The following CLMN variants were observed in gnomAD, a reference collection of about 807,000 sequenced individuals.
CLMN encodes calmin (calponin-like, transmembrane).
In CLMN, 57 loss-of-function variants were observed where a neutral mutation model predicts 92.7. That is an observed-to-expected ratio of 0.61 (90% CI 0.50 to 0.77). The LOEUF (loss-of-function observed/expected upper bound fraction) is 0.77. CLMN is among the 30% of genes least tolerant of loss of function. The pLI is 0.00. For missense variants in CLMN, 1,158 were observed against 1,237.5 expected, an observed-to-expected ratio of 0.94 and a Z score of 0.96; for synonymous variants, 466 against 470.6, an observed-to-expected ratio of 0.99 and a Z score of 0.13.
chr14:95,294,123 C>T lies in CLMN; in HGVS notation c.82+25588G>A, dbSNP rs1046940592. Among the ~76,000 whole-genome samples the T allele has an allele frequency of 2.0e-5, 3 of 152,196 alleles. No homozygotes were observed. Among genetic ancestry groups the T allele is most frequent in the Non-Finnish European group, 4.4e-5 (3 of 68,040 alleles). On this transcript the variant is annotated intron_variant, in intron 1 of 12. Transcript: ENST00000298912. This position sits in a 1 kb window ranked among gnomAD's most constrained non-coding sequence, Gnocchi z 4.2. ...CTCACCCTAAACAGCCAGGAGAGTGCGTGCAGTCAGCCTGCCTGCCAAAGA... is the reference window on the plus strand; with the variant it reads ...CTCACCCTAAACAGCCAGGAGAGTGTGTGCAGTCAGCCTGCCTGCCAAAGA...
Position 95,299,366 on chromosome 14 carries a change from G to A in CLMN, c.82+20345C>T, listed in dbSNP as rs533387356. On this transcript the variant is annotated intron_variant, in intron 1 of 12. Coordinates refer to ENST00000298912, the MANE Select transcript of CLMN (RefSeq NM_024734.4). The stretch of plus-strand genomic sequence containing the variant: ...ACTGAATGGGAGACACTGTGAAGGA[G>A]CAAGAACACTGTCCAAGAGCCAGGT... 5.3e-5 allele frequency among the ~76,000 whole-genome samples: 8 copies of A among 152,326 alleles called. No individual in the cohort carries two copies. In the East Asian group the frequency reaches 1.5e-3, roughly 29 times the overall value.
intron 1 of CLMN, among the ~76,000 whole-genome samples, chr14:95,258,881 GGTGT>G (rs910333748): frequency 2.0e-5 from 3 of 149,768 alleles, no homozygotes; most frequent in Admixed American, 6.7e-5. Context: ...ATGTATCTGT[GGTGT>G]GTGTGTGGAG....
chr14:95,276,977 C>T (rs1899956708), intron 1 of CLMN, among the ~76,000 whole-genome samples: 1 of 151,780 alleles, frequency 6.6e-6, no homozygotes, highest in East Asian at 1.9e-4. Context: ...GGCTTGGCCC[C>T]CCCATAGCTA....
chr14:95,245,984 C>T (rs1898556905), intron 1 of CLMN, among the ~76,000 whole-genome samples: 1 of 152,108 alleles, frequency 6.6e-6, no homozygotes. Context: ...CCTCCAAACG[C>T]ACCATGCCCA....
At position 95,196,500 on chromosome 14, in the gene CLMN, G is replaced by C. The variant is rs1435265431; in HGVS notation, c.2706C>G (p.Ser902=). Residue 902 remains serine (S), a splice_region_variant and synonymous_variant, in exon 10 of 13, where the codon TCC becomes TCG. Coordinates refer to ENST00000298912, the MANE Select transcript of CLMN (RefSeq NM_024734.4). ...EEDSSDYSIP[S]RTSHSDSSIY... ...GTGAAAAGAGATGAATAAAATACCTGGAAGGAATGCTGTAGTCGCTACTGT... is the reference window on the plus strand; with the variant it reads ...GTGAAAAGAGATGAATAAAATACCTCGAAGGAATGCTGTAGTCGCTACTGT... 1.2e-6 allele frequency: 2 copies of C among 1,606,932 alleles called. No homozygotes were observed. Among genetic ancestry groups the C allele is most frequent in the Admixed American group, 3.4e-5 (2 of 58,164 alleles).
chr14:95,273,882 C>T (rs1366016128), intron 1 of CLMN, among the ~76,000 whole-genome samples: 1 of 152,156 alleles, frequency 6.6e-6, no homozygotes, highest in Non-Finnish European at 1.5e-5. Flanking sequence ...CGTACATGAA[C>T]CTCATGAACC....
chr14:95,266,624 T>C (rs1899485087), intron 1 of CLMN, among the ~76,000 whole-genome samples: 5 of 152,196 alleles, frequency 3.3e-5, no homozygotes, highest in African/African-American at 7.2e-5. Flanking sequence ...TCACCCAAAG[T>C]GATTTACAGA....
intron 1 of CLMN, among the ~76,000 whole-genome samples, chr14:95,313,557 G>C (rs927330766): frequency 6.6e-6 from 1 of 151,626 alleles, no homozygotes; most frequent in South Asian, 2.1e-4. Flanking sequence ...GGAAGAAAAA[G>C]TCCATTTTTT....
intron 1 of CLMN, among the ~76,000 whole-genome samples, chr14:95,231,941 T>C (rs1342863049): frequency 6.6e-6 from 1 of 152,268 alleles, no homozygotes; most frequent in Non-Finnish European, 1.5e-5. Flanking sequence ...GGTGCTATTA[T>C]GACCTTCAGA....
chr14:95,265,276 G>A (rs1322254317), intron 1 of CLMN, among the ~76,000 whole-genome samples: 1 of 151,770 alleles, frequency 6.6e-6, no homozygotes, highest in African/African-American at 2.4e-5. Context: ...TTTGAGAAAA[G>A]CAGACGGCCC....
At chr14:95,257,285 G>A (rs1322819104) in intron 1 of CLMN, among the ~76,000 whole-genome samples, 2 of 152,152 alleles carry the variant, frequency 1.3e-5, no homozygotes, top group African/African-American at 4.8e-5. Context: ...ACGGGGACCT[G>A]TTTGTTACTG....
chr14:95,209,179 G>A (rs1040251335), intron 8 of CLMN, among the ~76,000 whole-genome samples: 15 of 152,110 alleles, frequency 9.9e-5, no homozygotes, highest in African/African-American at 3.4e-4. Flanking sequence ...TTCAAGCATC[G>A]ACTGGGGGTC....
intron 9 of CLMN, 43 bp from the exon 10 acceptor site, chr14:95,196,737 G>T (rs779309275): frequency 6.3e-7 from 1 of 1,581,324 alleles, no homozygotes; most frequent in Non-Finnish European, 8.6e-7. Flanking sequence ...ATGTCACGCT[G>T]CAGTGTAAAG....
chr14:95,245,543 A>G (rs1244459027), intron 1 of CLMN, among the ~76,000 whole-genome samples: 70 of 113,878 alleles, frequency 6.1e-4, no homozygotes, highest in African/African-American at 2.2e-3. Context: ...TAGATGGATG[A>G]ATGGATAGGT....
chr14:95,269,669 G>A (rs906905393), intron 1 of CLMN, among the ~76,000 whole-genome samples: 4 of 152,166 alleles, frequency 2.6e-5, no homozygotes, highest in African/African-American at 9.7e-5. Context: ...GGATGCCCAA[G>A]CCCCAGCATC....
At position 95,250,733 on chromosome 14, in the gene CLMN, C is replaced by T. The variant is rs8004635; in HGVS notation, c.83-20600G>A. Among the ~76,000 whole-genome samples the T allele has an allele frequency of 2.0e-4, 30 of 152,182 alleles. 1 individual carries two copies. The highest frequency in any genetic ancestry group is 1.9e-3 in the East Asian group (10 of 5,178). The stretch of plus-strand genomic sequence containing the variant: ...AGATTAACTCTATTGGAGGTCACCC[C>T]GTTAAGTCAGGAAGCCTGTCTCTTA... On this transcript the variant is annotated intron_variant, in intron 1 of 12. Coordinates refer to ENST00000298912, the MANE Select transcript of CLMN (RefSeq NM_024734.4).
At chr14:95,262,284 C>A (rs1899287952) in intron 1 of CLMN, among the ~76,000 whole-genome samples, 2 of 152,192 alleles carry the variant, frequency 1.3e-5, no homozygotes, top group Admixed American at 1.3e-4. Flanking sequence ...CTACTGAAAA[C>A]CACTCTGCCA....
At position 95,259,071 on chromosome 14, in the gene CLMN, T is replaced by C. The variant is rs1300862063; in HGVS notation, c.83-28938A>G. 6.6e-6 allele frequency among the ~76,000 whole-genome samples: 1 copy of C among 151,626 alleles called. No homozygotes were observed. The highest frequency in any genetic ancestry group is 1.5e-5 in the Non-Finnish European group (1 of 67,942). On this transcript the variant is annotated intron_variant, in intron 1 of 12. Coordinates refer to ENST00000298912, the MANE Select transcript of CLMN (RefSeq NM_024734.4). The surrounding 1 kb of genome is among the most constrained non-coding windows in gnomAD (Gnocchi z 4.3). Reference sequence around the variant, plus strand: ...TGTGGAGAATGTGTTTGTATGTATGTGTGATATGTGTTGTGTGTTTATGTG... The same window carrying C: ...TGTGGAGAATGTGTTTGTATGTATGCGTGATATGTGTTGTGTGTTTATGTG...
intron 1 of CLMN, among the ~76,000 whole-genome samples, chr14:95,273,906 C>T (rs965763776): frequency 9.9e-5 from 15 of 152,112 alleles, no homozygotes; most frequent in African/African-American, 2.7e-4. Flanking sequence ...TTCAGACCTA[C>T]GACACGCTCC....
Sources: gnomAD v4.1 joint callset for allele counts (sites outside exome capture counted in the v4.1 genomes callset) on GRCh38, gnomAD v4.1.1 for gene constraint, Gnocchi (gnomAD v3.1) non-coding constraint, MANE v1.5 for transcripts, NCBI Gene and HGNC (gene_info 2026-07-23, HGNC 2026-07-21) for gene names.